Variants in CDH4 observed in about 807,000 individuals in gnomAD.
CDH4 encodes cadherin 4, also known as cadherin-4.
CDH4 carries 33 observed loss-of-function variants against 86.0 expected under a neutral mutation model. The observed-to-expected ratio is 0.38, with a 90% CI of 0.29 to 0.51. The LOEUF is 0.51. Among genes scored for constraint, CDH4 ranks in the 20% least tolerant of loss-of-function variants. CDH4 has a pLI of 0.86. For missense variants in CDH4, 1,114 were observed against 1,307.4 expected, an observed-to-expected ratio of 0.85 and a Z score of 2.28; for synonymous variants, 555 against 549.4, an observed-to-expected ratio of 1.01 and a Z score of -0.14.
intron 4 of CDH4, among the ~76,000 whole-genome samples, chr20:61,823,903 G>T (rs561562049): frequency 1.6e-4 from 24 of 152,294 alleles, no homozygotes; most frequent in African/African-American, 5.8e-4. Flanking sequence ...CCATGTAGTG[G>T]GGCGGCTTTC....
Position 61,847,540 on chromosome 20 carries a change from C to T in CDH4, c.732+2717C>T, listed in dbSNP as rs527467219. On this transcript the variant is annotated intron_variant, in intron 5 of 15. Transcript: ENST00000614565. ...CTCCTGCCATGCCGTGCAAACATGC[C>T]GTGTAAACATGCGGTGTAAACACGC... is the stretch of plus-strand genomic sequence containing the variant. 1.1e-3 allele frequency among the ~76,000 whole-genome samples: 168 copies of T among 152,252 alleles called. 1 individual carries two copies. Among genetic ancestry groups the T allele is most frequent in the Middle Eastern group, 3.4e-3 (1 of 294 alleles).
rs975870002 is a variant in CDH4, at chr20:61,393,701, C to T, written c.169+138764C>T. Reference sequence around the variant, plus strand: ...GGGTGAGAGTCACTGCAGCCCCTCACGCCTCTGTTGTGTCAGGACAAGATA... The same window carrying T: ...GGGTGAGAGTCACTGCAGCCCCTCATGCCTCTGTTGTGTCAGGACAAGATA... On this transcript the variant is annotated intron_variant, in intron 2 of 15. Transcript: ENST00000614565. This position sits in a 1 kb window ranked among gnomAD's most constrained non-coding sequence, Gnocchi z 4.3. Among the ~76,000 whole-genome samples the T allele has an allele frequency of 2.6e-5, 4 of 152,100 alleles. No individual in the cohort carries two copies. Among genetic ancestry groups the T allele is most frequent in the Admixed American group, 6.5e-5 (1 of 15,270 alleles).
intron 2 of CDH4, among the ~76,000 whole-genome samples, chr20:61,273,977 G>GA (rs1450082195): frequency 9.5e-6 from 1 of 105,052 alleles, no homozygotes; most frequent in African/African-American, 3.7e-5. Flanking sequence ...AGTTTTGGGG[G>GA]GTACCATGCA....
chr20:61,436,888 A>G (rs929748830), intron 2 of CDH4, among the ~76,000 whole-genome samples: 1 of 152,204 alleles, frequency 6.6e-6, no homozygotes, highest in African/African-American at 2.4e-5. Context: ...AGGAAATTCC[A>G]AGGGTTTTTA....
At chr20:61,690,585 G>T (rs2087642341) in intron 2 of CDH4, among the ~76,000 whole-genome samples, 1 of 152,156 alleles carries the variant, frequency 6.6e-6, no homozygotes, top group African/African-American at 2.4e-5. Context: ...CAGGTCTGCT[G>T]CATGTCTCTG....
chr20:61,404,778 T>C (rs994595175), intron 2 of CDH4, among the ~76,000 whole-genome samples: 2 of 151,220 alleles, frequency 1.3e-5, no homozygotes, highest in Non-Finnish European at 2.9e-5. Context: ...AGGCTGGGCG[T>C]GGTGGCTCAC....
At chr20:61,778,794 A>G (rs1978380240) in intron 4 of CDH4, among the ~76,000 whole-genome samples, 1 of 152,168 alleles carries the variant, frequency 6.6e-6, no homozygotes, top group Admixed American at 6.5e-5. Context: ...CCCCAGGGGA[A>G]CTGGGGAAAA....
chr20:61,878,883 G>A (rs879840498), intron 7 of CDH4, among the ~76,000 whole-genome samples: 3 of 152,240 alleles, frequency 2.0e-5, no homozygotes, highest in African/African-American at 4.8e-5. Context: ...CCGAGGCCAG[G>A]GCGCCCCTCG....
At position 61,392,653 on chromosome 20, in the gene CDH4, T is replaced by C. The variant is rs1442481866; in HGVS notation, c.169+137716T>C. 6.6e-6 allele frequency among the ~76,000 whole-genome samples: 1 copy of C among 152,208 alleles called. No homozygotes were observed. The highest frequency in any genetic ancestry group is 1.5e-5 in the Non-Finnish European group (1 of 68,026). ...TATTACTTGGTAAAATGTTGTGCTA[T>C]GTTGTTAATTCAACTCCCTTGGGTT... On this transcript the variant is annotated intron_variant, in intron 2 of 15. Transcript: ENST00000614565. This position sits in a 1 kb window ranked among gnomAD's most constrained non-coding sequence, Gnocchi z 5.7.
At chr20:61,921,295 C>T (rs2054980430) in intron 9 of CDH4, among the ~76,000 whole-genome samples, 1 of 151,746 alleles carries the variant, frequency 6.6e-6, no homozygotes, top group African/African-American at 2.4e-5. Flanking sequence ...TGCATGGAAG[C>T]GTGGTGTCAT....
chr20:61,793,116 C>T (rs1979303107), intron 4 of CDH4, among the ~76,000 whole-genome samples: 1 of 152,100 alleles, frequency 6.6e-6, no homozygotes, highest in Admixed American at 6.5e-5. Flanking sequence ...GCGCCTGCCA[C>T]TACGCCCAAC....
rs111232425 is a variant in CDH4 at position 61,291,497 on chromosome 20, C to T, written c.169+36560C>T. On this transcript the variant is annotated intron_variant, in intron 2 of 15. Transcript: ENST00000614565. ...CTTCTCACCCTCTCTGGACTTCAGT[C>T]TCCTCCAGAGTAAGGGGGGATAATG... 3.0e-3 allele frequency among the ~76,000 whole-genome samples: 452 copies of T among 152,352 alleles called. 4 individuals carry two copies. Among genetic ancestry groups the T allele is most frequent in the African/African-American group, 9.3e-3 (385 of 41,598 alleles).
chr20:61,602,785 T>G (rs1232157813), intron 2 of CDH4, among the ~76,000 whole-genome samples: 3 of 151,094 alleles, frequency 2.0e-5, no homozygotes, highest in Non-Finnish European at 4.4e-5. Flanking sequence ...ATGAAATGAT[T>G]TCGGAATTGT....
intron 2 of CDH4, among the ~76,000 whole-genome samples, chr20:61,482,683 G>A (rs2085574608): frequency 6.6e-6 from 1 of 152,152 alleles, no homozygotes; most frequent in African/African-American, 2.4e-5. Flanking sequence ...GATGCTCCTG[G>A]AACAGTCATG....
rs559348748 is a variant in CDH4, at chr20:61,924,448, C to T, written c.1743C>T (p.Tyr581=). 2.4e-5 allele frequency: 38 copies of T among 1,613,668 alleles called. No individual in the cohort carries two copies. Among genetic ancestry groups the T allele is most frequent in the South Asian group, 2.3e-4 (21 of 91,044 alleles). ...CCCTCTACACCAAAAACAACGTCTA[C>T]GAGGCCACCTTCCTGGCAGCTGACA... The part of the protein sequence containing the change: ...RESLYTKNNV[Y]EATFLAADNG... Residue 581 remains tyrosine (Y), a synonymous_variant, in exon 11 of 16, where the codon TAC becomes TAT. Coordinates refer to ENST00000614565, the MANE Select transcript of CDH4 (RefSeq NM_001794.5).
intron 2 of CDH4, among the ~76,000 whole-genome samples, chr20:61,562,541 C>G (rs1294859015): frequency 6.6e-6 from 1 of 152,186 alleles, no homozygotes; most frequent in Non-Finnish European, 1.5e-5. Context: ...CCGAACCCAC[C>G]TTGTACACCC....
chr20:61,500,079 C>T (rs901311326), intron 2 of CDH4, among the ~76,000 whole-genome samples: 7 of 152,178 alleles, frequency 4.6e-5, no homozygotes, highest in East Asian at 1.9e-4. Context: ...ACTTCCCTGT[C>T]GGAATCACTG....
At chr20:61,636,213 A>T (rs1050571961) in intron 2 of CDH4, among the ~76,000 whole-genome samples, 2 of 152,132 alleles carry the variant, frequency 1.3e-5, no homozygotes, top group Non-Finnish European at 2.9e-5. Flanking sequence ...CCTTCTGCGG[A>T]TTCACTTCTC....
chr20:61,340,771 GGTCTCACTTT>G (rs2084645624), intron 2 of CDH4, among the ~76,000 whole-genome samples: 1 of 151,506 alleles, frequency 6.6e-6, no homozygotes, highest in Non-Finnish European at 1.5e-5. Flanking sequence ...TTAGAGACGA[GGTCTCACTTT>G]GTTGCCCAGG....
Sources: allele counts gnomAD v4.1 joint callset (sites outside exome capture counted in the v4.1 genomes callset), GRCh38; gene constraint gnomAD v4.1.1; non-coding constraint Gnocchi (gnomAD v3.1); transcripts MANE v1.5; gene names NCBI Gene and HGNC (gene_info 2026-07-23, HGNC 2026-07-21).